ARHGEF28: variants seen among roughly 807,000 people sequenced by gnomAD.
ARHGEF28 encodes Rho guanine nucleotide exchange factor 28.
A neutral mutation model predicts 206.6 loss-of-function variants in ARHGEF28; 152 were observed. That is an observed-to-expected ratio of 0.74 (90% CI 0.64 to 0.84). The LOEUF (loss-of-function observed/expected upper bound fraction) is 0.84, where lower values mean the gene tolerates loss of function less well. ARHGEF28 is among the 40% of genes least tolerant of loss of function. The pLI, the probability that ARHGEF28 is intolerant of heterozygous loss-of-function variation, is 0.00. For synonymous variants in ARHGEF28, 763 were observed against 776.4 expected (o/e 0.98, Z 0.29); for missense variants, 2,028 against 2,073.2 (o/e 0.98, Z 0.42).
chr5:73,742,793 C>T (rs946311677), intron 2 of ARHGEF28, among the ~76,000 whole-genome samples: 6 of 146,222 alleles, frequency 4.1e-5, no homozygotes, highest in Non-Finnish European at 6.0e-5. Context: ...CACTGCAGTC[C>T]GCAGTCCGGC....
At chr5:73,733,761 C>G (rs541350134) in intron 2 of ARHGEF28, among the ~76,000 whole-genome samples, 1 of 151,900 alleles carries the variant, frequency 6.6e-6, no homozygotes, top group Admixed American at 6.6e-5. Context: ...TGAGATGAGG[C>G]GTGAAAAAGA....
intron 2 of ARHGEF28, among the ~76,000 whole-genome samples, chr5:73,715,049 G>C (rs948776191): frequency 1.3e-5 from 2 of 152,192 alleles, no homozygotes; most frequent in African/African-American, 4.8e-5. Context: ...AATTCATGAG[G>C]TTTATTCATT....
At chr5:73,872,876 T>G in intron 21 of ARHGEF28, 123 bp from the exon 22 acceptor site, 1 of 1,112,486 alleles carries the variant, frequency 9.0e-7, no homozygotes, top group Non-Finnish European at 1.2e-6. Flanking sequence ...GGAATATTCT[T>G]GATATTCCTA....
intron 22 of ARHGEF28, 43 bp downstream of exon 22, chr5:73,873,289 G>A (rs1278455011): frequency 3.2e-6 from 5 of 1,556,236 alleles, no homozygotes; most frequent in East Asian, 4.6e-5. Flanking sequence ...ACGTAAGTGG[G>A]ATTTGAATCA....
At chr5:73,683,359 G>T (rs1295289251) in intron 1 of ARHGEF28, among the ~76,000 whole-genome samples, 1 of 151,968 alleles carries the variant, frequency 6.6e-6, no homozygotes, top group African/African-American at 2.4e-5. Flanking sequence ...AGTCCTCTGT[G>T]TCCCACCCCT....
chr5:73,688,622 TG>T (rs1442941065), intron 2 of ARHGEF28, among the ~76,000 whole-genome samples: 1 of 152,198 alleles, frequency 6.6e-6, no homozygotes, highest in Non-Finnish European at 1.5e-5. Flanking sequence ...AAGATTGGAT[TG>T]TTTTTTTCTT....
In ARHGEF28 at chr5:73,911,370, A is replaced by C; in HGVS notation, c.4743A>C (p.Lys1581Asn). The C allele has an allele frequency of 1.9e-6, 3 of 1,613,882 alleles. No individual in the cohort carries two copies. The highest frequency in any genetic ancestry group is 2.5e-6 in the Non-Finnish European group (3 of 1,179,842). ...LVQMSFNTFN[K>N]LNPSVIHQDA... The stretch of plus-strand genomic sequence containing the variant: ...AAATGTCATTTAACACTTTCAACAA[A>C]CTGAATCCATCAGTTATCCATCAGG... The change falls in exon 35 of 36, where the codon AAA (lysine) becomes AAC (asparagine). Residue 1581 changes from lysine to asparagine, a missense_variant. This residue lies in a region of ARHGEF28 where 803 missense variants were observed against 768.0 expected (regional missense o/e 1.05). Transcript: ENST00000513042.
In ARHGEF28 at chr5:73,868,145, C is replaced by T; in HGVS notation, c.2343C>T (p.Asn781=). The change falls in exon 20 of 36, where the codon AAC becomes AAT. Residue 781 remains asparagine (N), a synonymous_variant. Coordinates refer to ENST00000513042, the MANE Select transcript of ARHGEF28 (RefSeq NM_001177693.2). Reference sequence around the variant, plus strand: ...CCTTGGAGTCTGAGAGTGACCATAACAGCTGCAGAAGCAGGTCTCATTCTG... The same window carrying T: ...CCTTGGAGTCTGAGAGTGACCATAATAGCTGCAGAAGCAGGTCTCATTCTG... ...ATSLESESDH[N]SCRSRSHSDE... is the part of the protein sequence containing the mutation. The T allele has an allele frequency of 6.2e-7, 1 of 1,608,862 alleles. No individual in the cohort carries two copies. Among genetic ancestry groups the T allele is most frequent in the Non-Finnish European group, 8.5e-7 (1 of 1,177,458 alleles).
intron 29 of ARHGEF28, among the ~76,000 whole-genome samples, chr5:73,896,161 A>G (rs987426533): frequency 9.9e-5 from 15 of 152,234 alleles, no homozygotes; most frequent in African/African-American, 3.6e-4. Context: ...TGAAGGCTTT[A>G]CTTCAGAGAG....
Position 73,887,680 on chromosome 5 carries a change from G to A in ARHGEF28, c.3387+1G>A. 1 of 1,563,596 alleles carries A rather than the reference G, an allele frequency of 6.4e-7. No individual in the cohort carries two copies. Among genetic ancestry groups the A allele is most frequent in the Non-Finnish European group, 8.7e-7 (1 of 1,152,772 alleles). ...CCAGAAATACATCTTTGCAGCCGTT[G>A]TAAGTATATGACTGTGTGATGTATT... On this transcript the variant is annotated splice_donor_variant, in intron 26 of 35. Coordinates refer to ENST00000513042, the MANE Select transcript of ARHGEF28 (RefSeq NM_001177693.2). LOFTEE classifies it high-confidence loss of function.
intron 4 of ARHGEF28, among the ~76,000 whole-genome samples, chr5:73,769,021 T>G (rs1263625433): frequency 2.0e-5 from 3 of 152,138 alleles, no homozygotes; most frequent in Non-Finnish European, 2.9e-5. Flanking sequence ...AAGTGCCTTT[T>G]GCCTTCCACC....
At position 73,911,514 on chromosome 5, in the gene ARHGEF28, C is replaced by G. The variant is rs149607856; in HGVS notation, c.4887C>G (p.Ala1629=). The G allele has an allele frequency of 3.0e-3, 4,769 of 1,613,418 alleles. 14 individuals are homozygous for G. The highest frequency in any genetic ancestry group is 3.3e-3 in the Non-Finnish European group (3,908 of 1,179,636). Residue 1629 remains alanine, a synonymous_variant, in exon 35 of 36, where the codon GCC becomes GCG. Transcript: ENST00000513042. ...ATGTCAGTCACAAACTGTGGACAGCCGCTGGTTCCGGCCATCAGATACTTC... is the reference window on the plus strand; with the variant it reads ...ATGTCAGTCACAAACTGTGGACAGCGGCTGGTTCCGGCCATCAGATACTTC... The part of the protein sequence containing the change: ...PSNVSHKLWT[A]AGSGHQILPF...
At chr5:73,795,804 A>G (rs1444065788) in intron 9 of ARHGEF28, among the ~76,000 whole-genome samples, 1 of 152,126 alleles carries the variant, frequency 6.6e-6, no homozygotes, top group African/African-American at 2.4e-5. Flanking sequence ...CAAGCTTACC[A>G]AAATCCCATT....
intron 33 of ARHGEF28, among the ~76,000 whole-genome samples, chr5:73,906,166 G>A (rs2434215): frequency 0.35 from 52,630 of 152,114 alleles, 12,730 homozygotes; most frequent in African/African-American, 0.68. Context: ...TTACATTTGA[G>A]TATATGACAG....
intron 2 of ARHGEF28, among the ~76,000 whole-genome samples, chr5:73,714,409 G>C (rs1749441255): frequency 1.3e-5 from 2 of 152,174 alleles, no homozygotes; most frequent in Admixed American, 1.3e-4. Context: ...TGATCACGTG[G>C]TCCATCCCCG....
chr5:73,778,515 GAA>G (rs1231724139), intron 6 of ARHGEF28, among the ~76,000 whole-genome samples: 3 of 152,108 alleles, frequency 2.0e-5, no homozygotes, highest in African/African-American at 7.2e-5. Context: ...CTTGATACAA[GAA>G]TCAGTTAGAG....
intron 29 of ARHGEF28, among the ~76,000 whole-genome samples, chr5:73,895,774 C>G (rs572159538): frequency 1.5e-4 from 23 of 152,342 alleles, no homozygotes; most frequent in African/African-American, 5.5e-4. Context: ...GCAGTTTTGA[C>G]AGACTGTTTA....
intron 2 of ARHGEF28, among the ~76,000 whole-genome samples, chr5:73,712,135 C>T (rs72770828): frequency 0.2 from 30,316 of 151,706 alleles, 3,212 homozygotes; most frequent in Non-Finnish European, 0.23. Context: ...GGGATGAACC[C>T]CACTGGTTGT....
chr5:73,674,008 TAAA>T (rs35528097), intron 1 of ARHGEF28, among the ~76,000 whole-genome samples: 2 of 134,336 alleles, frequency 1.5e-5, no homozygotes, highest in Admixed American at 7.4e-5. Context: ...TCCATCTCTT[TAAA>T]AAAAAAAAAA....
Sources: gnomAD v4.1 joint callset for allele counts (sites outside exome capture counted in the v4.1 genomes callset) on GRCh38, gnomAD v4.1.1 for gene constraint, gnomAD v4.1.1 regional missense constraint, MANE v1.5 for transcripts, NCBI Gene and HGNC (gene_info 2026-07-23, HGNC 2026-07-21) for gene names.